The following CEP170 variants were observed in gnomAD, a reference collection of about 807,000 sequenced individuals.
The protein encoded by CEP170 is centrosomal protein of 170 kDa.
CEP170 carries 21 observed loss-of-function variants against 151.9 expected under a neutral mutation model. The observed-to-expected ratio is 0.14, with a 90% confidence interval of 0.10 to 0.20. The LOEUF (loss-of-function observed/expected upper bound fraction) is 0.20, where lower values mean the gene tolerates loss of function less well. Ranked by LOEUF, CEP170 falls within the 10% of genes least tolerant of loss-of-function variation. The pLI is 1.00. For missense variants in CEP170, 964 were observed against 1,892.9 expected, an observed-to-expected ratio of 0.51 and a Z score of 9.11; for synonymous variants, 356 against 648.8, an observed-to-expected ratio of 0.55 and a Z score of 6.86.
intron 1 of CEP170, among the ~76,000 whole-genome samples, chr1:243,227,973 A>C (rs939308236): frequency 6.6e-6 from 1 of 152,176 alleles, no homozygotes; most frequent in Non-Finnish European, 1.5e-5. Flanking sequence ...CTAGCTATTT[A>C]TCCCATGTCC....
At position 243,156,261 on chromosome 1, in the gene CEP170, A is replaced by T; in HGVS notation, c.3871T>A (p.Tyr1291Asn). 1 of 1,584,374 alleles carries T rather than the reference A, an allele frequency of 6.3e-7. No homozygotes were observed. Among genetic ancestry groups the T allele is most frequent in the Non-Finnish European group, 8.6e-7 (1 of 1,166,686 alleles). ...CGATGAGCAGTCCAATCTCGGATGT[A>T]GTCTTCCTGCTCTTTAATCCGGTGT... is the stretch of plus-strand genomic sequence containing the variant. ...FKHRIKEQED[Y>N]IRDWTAHREE... Residue 1291 changes from tyrosine to asparagine, a missense_variant, in exon 14 of 20, where the codon TAC becomes AAC. Physicochemically the swap from Tyr to Asn is moderately radical, Grantham distance 143. Transcript: ENST00000366542.
At position 243,236,999 on chromosome 1, in the gene CEP170, T is replaced by C. The variant is rs145862977; in HGVS notation, c.-41-11678A>G. ...TTCTGATTCACTATACATTAACTAT[T>C]TGGGAGGTGGGTACAAATCATTTCC... On this transcript the variant is annotated intron_variant, in intron 1 of 19. Transcript: ENST00000366542. Among the ~76,000 whole-genome samples, 641 of 152,274 alleles carry C rather than the reference T, an allele frequency of 4.2e-3. 3 individuals carry two copies. Among genetic ancestry groups the C allele is most frequent in the Middle Eastern group, 0.037 (11 of 294 alleles).
intron 4 of CEP170, among the ~76,000 whole-genome samples, chr1:243,210,173 T>C (rs2148898724): frequency 6.6e-6 from 1 of 152,318 alleles, no homozygotes; most frequent in South Asian, 2.1e-4. Flanking sequence ...CTGTTTGCTG[T>C]TAAGAAAATA....
chr1:243,210,875 A>G (rs3932662), intron 4 of CEP170, among the ~76,000 whole-genome samples: 122,105 of 151,748 alleles, frequency 0.8, 49,689 homozygotes, highest in East Asian at 0.94. Flanking sequence ...TGCCCACCTC[A>G]GCCTCCCGAA....
Position 243,140,101 on chromosome 1 carries a change from C to G in CEP170, c.4066G>C (p.Asp1356His). 6.2e-7 allele frequency: 1 copy of G among 1,613,636 alleles called. No individual in the cohort carries two copies. The highest frequency in any genetic ancestry group is 8.5e-7 in the Non-Finnish European group (1 of 1,179,672). Residue 1356 changes from aspartate to histidine, a missense_variant, in exon 16 of 20, where the codon GAT (aspartate) becomes CAT (histidine). Asp to His is a moderately conservative substitution (Grantham distance 81). Coordinates refer to ENST00000366542, the MANE Select transcript of CEP170 (RefSeq NM_014812.3). The part of the protein sequence containing the change: ...SAIDTREELV[D>H]RVFDESLNFR... The stretch of plus-strand genomic sequence containing the variant: ...TTGAGGCTTTCATCAAAAACACGAT[C>G]AACCAACTAATGGGACGAAAGCAAA...
intron 4 of CEP170, among the ~76,000 whole-genome samples, chr1:243,201,248 T>A (rs1380906471): frequency 6.6e-6 from 1 of 151,994 alleles, no homozygotes; most frequent in African/African-American, 2.4e-5. Context: ...CTAAAAGAAT[T>A]TGATTACTCA....
At chr1:243,198,692 TAAA>T (rs894114147) in intron 7 of CEP170, among the ~76,000 whole-genome samples, 4 of 152,042 alleles carry the variant, frequency 2.6e-5, no homozygotes, top group Admixed American at 2.6e-4. Context: ...GGGGATCTAA[TAAA>T]AACGCAAAAT....
At position 243,249,917 on chromosome 1, in the gene CEP170, C is replaced by T. The variant is rs549430523; in HGVS notation, c.-42+5123G>A. ...CCAACATGGTGAAACCCTGTCTTTA[C>T]TAAAATACAAAAAATTAGCCGGGCG... On this transcript the variant is annotated intron_variant, in intron 1 of 19. Transcript: ENST00000366542. 1.3e-4 allele frequency among the ~76,000 whole-genome samples: 20 copies of T among 152,246 alleles called. No homozygotes were observed. The South Asian group carries it at 4.1e-3, about 32-fold the overall frequency.
At chr1:243,215,478 T>C (rs1412942185) in intron 3 of CEP170, among the ~76,000 whole-genome samples, 3 of 152,192 alleles carry the variant, frequency 2.0e-5, no homozygotes, top group South Asian at 2.1e-4. Context: ...ATGGCCACTC[T>C]GGGAATGTCT....
At chr1:243,204,636 A>C (rs535924216) in intron 4 of CEP170, among the ~76,000 whole-genome samples, 2 of 152,260 alleles carry the variant, frequency 1.3e-5, no homozygotes, top group Admixed American at 1.3e-4. Context: ...GTTTCTCCTT[A>C]GTCTCTTTTA....
At chr1:243,202,169 G>C (rs554511848) in intron 4 of CEP170, among the ~76,000 whole-genome samples, 2 of 152,090 alleles carry the variant, frequency 1.3e-5, no homozygotes, top group Non-Finnish European at 2.9e-5. Flanking sequence ...GGAACTGAAG[G>C]CTATTACTCT....
At chr1:243,202,296 A>G (rs968060944) in intron 4 of CEP170, among the ~76,000 whole-genome samples, 6 of 152,156 alleles carry the variant, frequency 3.9e-5, no homozygotes, top group Non-Finnish European at 8.8e-5. Flanking sequence ...CTGGATAATC[A>G]GAAGTGGGGA....
At chr1:243,242,324 T>C (rs1219678269) in intron 1 of CEP170, among the ~76,000 whole-genome samples, 4 of 152,118 alleles carry the variant, frequency 2.6e-5, no homozygotes, top group Non-Finnish European at 5.9e-5. Flanking sequence ...GTTCACGCCA[T>C]TCTCCTGCCT....
At chr1:243,131,114 T>A (rs888151253) in intron 17 of CEP170, among the ~76,000 whole-genome samples, 4 of 152,234 alleles carry the variant, frequency 2.6e-5, no homozygotes, top group African/African-American at 7.2e-5. Context: ...CCATAGACAT[T>A]TCACCTTTGG....
At position 243,150,471 on chromosome 1, in the gene CEP170, C is replaced by T. The variant is rs1178988443; in HGVS notation, c.3911+5750G>A. On this transcript the variant is annotated intron_variant, in intron 14 of 19. Coordinates refer to ENST00000366542, the MANE Select transcript of CEP170 (RefSeq NM_014812.3). ...AGCTGACACAGCTATTTAACGATCA[C>T]TTTAATATTAAAAAACAAACTACTT... 3.3e-5 allele frequency among the ~76,000 whole-genome samples: 5 copies of T among 152,134 alleles called. No individual in the cohort carries two copies. The South Asian group carries it at 6.2e-4, about 19-fold the overall frequency.
At chr1:243,227,234 T>C (rs1412792159) in intron 1 of CEP170, among the ~76,000 whole-genome samples, 1 of 151,936 alleles carries the variant, frequency 6.6e-6, no homozygotes, top group Non-Finnish European at 1.5e-5. Context: ...AAATTCTAAC[T>C]TCCTCTTGAC....
chr1:243,214,286 T>TG (rs1163746016), intron 3 of CEP170, among the ~76,000 whole-genome samples: 1 of 145,026 alleles, frequency 6.9e-6, no homozygotes, highest in Admixed American at 6.9e-5. Flanking sequence ...TAAAGTTTTT[T>TG]TTTTTTTTTT....
At chr1:243,145,918 T>C (rs2056430053) in intron 14 of CEP170, among the ~76,000 whole-genome samples, 1 of 152,164 alleles carries the variant, frequency 6.6e-6, no homozygotes, top group Non-Finnish European at 1.5e-5. Context: ...GAAAAGCTCA[T>C]GGTTTCCACA....
chr1:243,251,682 G>A (rs992960398), intron 1 of CEP170, among the ~76,000 whole-genome samples: 1 of 152,122 alleles, frequency 6.6e-6, no homozygotes, highest in African/African-American at 2.4e-5. Context: ...CTTAAAAAAT[G>A]ACTTGTTCTC....
Sources: allele counts gnomAD v4.1 joint callset (sites outside exome capture counted in the v4.1 genomes callset), GRCh38; gene constraint gnomAD v4.1.1; transcripts MANE v1.5; gene names NCBI Gene and HGNC (gene_info 2026-07-23, HGNC 2026-07-21).